RYR2: variants seen among roughly 807,000 people sequenced by gnomAD.
The protein encoded by RYR2 is ryanodine receptor 2.
In RYR2, 227 loss-of-function variants were observed where a neutral mutation model predicts 601.1. The ratio of observed to expected loss-of-function variants is 0.38; its 90% CI spans 0.34 to 0.42. The LOEUF is 0.42. Ranked by LOEUF, RYR2 falls within the 10% of genes least tolerant of loss-of-function variation. The probability of loss-of-function intolerance (pLI) is 1.00; values close to 1 mark genes in which losing one functional copy is unlikely to be tolerated. For missense variants in RYR2, 4,646 were observed against 6,156.5 expected (o/e 0.75, Z 8.21); for synonymous variants, 2,223 against 2,175.1 (o/e 1.02, Z -0.61).
intron 73 of RYR2, among the ~76,000 whole-genome samples, chr1:237,722,850 G>C (rs1178878900): frequency 6.6e-6 from 1 of 151,890 alleles, no homozygotes; most frequent in South Asian, 2.1e-4. Flanking sequence ...CTATCTCCTC[G>C]CATAGTTACC....
intron 1 of RYR2, among the ~76,000 whole-genome samples, chr1:237,086,341 G>A (rs1414716750): frequency 2.0e-5 from 3 of 151,962 alleles, no homozygotes; most frequent in African/African-American, 7.2e-5. Context: ...TAGTCATATT[G>A]GATGAGGGCT....
At chr1:237,604,161 C>T (rs1415838075) in intron 35 of RYR2, among the ~76,000 whole-genome samples, 1 of 152,116 alleles carries the variant, frequency 6.6e-6, no homozygotes, top group Non-Finnish European at 1.5e-5. Context: ...AAATTGACCA[C>T]ATAGTTGGAA....
chr1:237,371,403 C>T (rs1327291429), intron 6 of RYR2, among the ~76,000 whole-genome samples: 3 of 150,788 alleles, frequency 2.0e-5, no homozygotes, highest in South Asian at 2.1e-4. Flanking sequence ...ACGATCCTCT[C>T]GCCTTGGCCT....
intron 1 of RYR2, among the ~76,000 whole-genome samples, chr1:237,142,186 A>G (rs1474143793): frequency 6.6e-6 from 1 of 152,180 alleles, no homozygotes; most frequent in African/African-American, 2.4e-5. Context: ...AGCCTGAGGG[A>G]AGGCATACAC....
At chr1:237,139,011 A>C (rs993329826) in intron 1 of RYR2, among the ~76,000 whole-genome samples, 5 of 152,226 alleles carry the variant, frequency 3.3e-5, no homozygotes, top group Admixed American at 6.5e-5. Context: ...TTACCATATG[A>C]ACCAGCAATT....
chr1:237,270,975 T>C (rs1047106794), intron 2 of RYR2, among the ~76,000 whole-genome samples: 3 of 152,218 alleles, frequency 2.0e-5, no homozygotes, highest in African/African-American at 7.2e-5. Flanking sequence ...TGTATTTTTT[T>C]ATAAGATAGA....
intron 2 of RYR2, among the ~76,000 whole-genome samples, chr1:237,271,309 G>C (rs890527190): frequency 6.6e-6 from 1 of 152,140 alleles, no homozygotes; most frequent in African/African-American, 2.4e-5. Flanking sequence ...CAATCGCTCC[G>C]AGGATATTTA....
At chr1:237,155,321 G>A (rs1357643176) in intron 1 of RYR2, among the ~76,000 whole-genome samples, 4 of 151,424 alleles carry the variant, frequency 2.6e-5, no homozygotes, top group South Asian at 2.1e-4. Flanking sequence ...GACTACAGGC[G>A]CCCACCACCA....
At chr1:237,804,803 C>G (rs570942357) in intron 98 of RYR2, among the ~76,000 whole-genome samples, 1 of 152,094 alleles carries the variant, frequency 6.6e-6, no homozygotes, top group African/African-American at 2.4e-5. Context: ...ACTAGTAGGT[C>G]TCAGCAAACA....
At chr1:237,770,769 G>A (rs1296225747) in intron 84 of RYR2, 38 bp from the exon 85 acceptor site, 2 of 1,342,492 alleles carry the variant, frequency 1.5e-6, no homozygotes, top group South Asian at 2.5e-5. Context: ...GCAGGCTGGG[G>A]TGGCTGGTAA....
In RYR2 at chr1:237,550,577, C is replaced by T. The variant is rs1469826924; in HGVS notation, c.3100C>T (p.Pro1034Ser). The T allele has an allele frequency of 2.5e-6, 4 of 1,608,710 alleles. No individual in the cohort carries two copies. ...GAACAGAAGAAATCCTCGCCTTGTT[C>T]CCTACACTCTTCTGGATGACCGAAC... Reference protein sequence around the residue: ...VKNRRNPRLVPYTLLDDRTKK... With the variant: ...VKNRRNPRLVSYTLLDDRTKK... Residue 1034 changes from proline (P) to serine (S), a missense_variant, in exon 27 of 105, where the codon CCC (proline) becomes TCC (serine). Pro to Ser is a moderately conservative substitution (Grantham distance 74). Coordinates refer to ENST00000366574, the MANE Select transcript of RYR2 (RefSeq NM_001035.3).
At chr1:237,725,513 T>C (rs1690119380) in intron 74 of RYR2, among the ~76,000 whole-genome samples, 1 of 152,110 alleles carries the variant, frequency 6.6e-6, no homozygotes. Flanking sequence ...TATTTTGTGT[T>C]GTATATCTGG....
chr1:237,104,572 CT>C (rs1487308033), intron 1 of RYR2, among the ~76,000 whole-genome samples: 2 of 152,274 alleles, frequency 1.3e-5, no homozygotes, highest in East Asian at 1.9e-4. Context: ...GTTCCCTTGC[CT>C]TTTTTTCTTT....
intron 38 of RYR2, among the ~76,000 whole-genome samples, chr1:237,618,661 G>T (rs1325750422): frequency 6.6e-6 from 1 of 152,128 alleles, no homozygotes; most frequent in African/African-American, 2.4e-5. Context: ...AAATGTGTTA[G>T]ATAATAACTG....
chr1:237,541,582 C>T (rs570618420), intron 25 of RYR2, among the ~76,000 whole-genome samples: 7 of 152,106 alleles, frequency 4.6e-5, no homozygotes, highest in Admixed American at 1.3e-4. Context: ...CATTTTCATG[C>T]GCGTCCGTGT....
At chr1:237,085,564 G>C (rs536722472) in intron 1 of RYR2, among the ~76,000 whole-genome samples, 1 of 152,326 alleles carries the variant, frequency 6.6e-6, no homozygotes, top group African/African-American at 2.4e-5. Flanking sequence ...TTTTAGAAGA[G>C]TGTAATTGGG....
chr1:237,795,492 C>G (rs1017516131), intron 96 of RYR2, among the ~76,000 whole-genome samples, 161 bp downstream of exon 96: 7 of 151,316 alleles, frequency 4.6e-5, no homozygotes, highest in African/African-American at 1.7e-4. Context: ...CACTCCGTCA[C>G]CCAGGCTGGA....
Position 237,311,352 on chromosome 1 carries a change from T to C in RYR2, c.169-19526T>C, listed in dbSNP as rs533769445. On this transcript the variant is annotated intron_variant, in intron 2 of 104. Coordinates refer to ENST00000366574, the MANE Select transcript of RYR2 (RefSeq NM_001035.3). ...ATTGTTAATTACAAATCTTATCTTA[T>C]GGGGTCTATTGTGCCTTCAGATATA... 1.9e-3 allele frequency among the ~76,000 whole-genome samples: 293 copies of C among 152,316 alleles called. 3 individuals are homozygous for C. The highest frequency in any genetic ancestry group is 3.9e-3 in the Admixed American group (59 of 15,304).
Position 237,387,358 on chromosome 1 carries a change from C to T in RYR2, c.654C>T (p.Ser218=). Residue 218 remains serine, a synonymous_variant, in exon 9 of 105, where the codon AGC becomes AGT. Coordinates refer to ENST00000366574, the MANE Select transcript of RYR2 (RefSeq NM_001035.3). ...QQTLWSVAPI[S]SGSEAAQGYL... is the part of the protein sequence containing the mutation. Reference sequence around the variant, plus strand: ...CTCTCTGGAGCGTGGCCCCAATCAGCTCAGGAAGTGAGGCAGCCCAAGGTA... The same window carrying T: ...CTCTCTGGAGCGTGGCCCCAATCAGTTCAGGAAGTGAGGCAGCCCAAGGTA... 1 of 1,613,982 alleles carries T rather than the reference C, an allele frequency of 6.2e-7. No individual in the cohort carries two copies. The highest frequency in any genetic ancestry group is 1.3e-5 in the African/African-American group (1 of 75,054).
Sources: allele counts gnomAD v4.1 joint callset (sites outside exome capture counted in the v4.1 genomes callset), GRCh38; gene constraint gnomAD v4.1.1; transcripts MANE v1.5; gene names NCBI Gene and HGNC (gene_info 2026-07-23, HGNC 2026-07-21).